HSDL1: variants seen among roughly 807,000 people sequenced by gnomAD.
HSDL1 encodes inactive hydroxysteroid dehydrogenase-like protein 1.
A neutral mutation model predicts 31.5 loss-of-function variants in HSDL1; 29 were observed. The ratio of observed to expected loss-of-function variants is 0.92; its 90% CI spans 0.69 to 1.26. HSDL1 has a LOEUF of 1.26. HSDL1 is among the 50% of genes most tolerant of loss of function. HSDL1 has a pLI of 0.00. For synonymous variants in HSDL1, 222 were observed against 155.2 expected (o/e 1.43, Z -3.20); for missense variants, 503 against 416.6 (o/e 1.21, Z -1.81).
In HSDL1 at chr16:84,144,706, T is replaced by C. The variant is rs979729531; in HGVS notation, c.-69+374A>G. 2.8e-5 allele frequency among the ~76,000 whole-genome samples: 4 copies of C among 145,376 alleles called. No homozygotes were observed. The South Asian group carries it at 8.8e-4, about 32-fold the overall frequency. The stretch of plus-strand genomic sequence containing the variant: ...GAGAGGCTGCAGGGAGGGCAGGGCA[T>C]GCGCCGGCGACAACGGGGTTCGCGG... On this transcript the variant is annotated intron_variant, in intron 1 of 5. Coordinates refer to ENST00000219439, the MANE Select transcript of HSDL1 (RefSeq NM_031463.5).
In HSDL1 at chr16:84,136,738, C is replaced by T. The variant is rs887712028; in HGVS notation, c.-68-1133G>A. ...TCACCTCTTGTCAGGGGAGCGCCAT[C>T]GTGTGCAAGTACCTTAAACGTGTGT... On this transcript the variant is annotated intron_variant, in intron 1 of 5. Transcript: ENST00000219439. Among the ~76,000 whole-genome samples the T allele has an allele frequency of 2.6e-5, 4 of 152,300 alleles. No individual in the cohort carries two copies. In the East Asian group the frequency reaches 7.7e-4, roughly 29 times the overall value.
intron 5 of HSDL1, among the ~76,000 whole-genome samples, chr16:84,128,005 C>T (rs879750368): frequency 1.2e-4 from 18 of 150,184 alleles, no homozygotes; most frequent in Non-Finnish European, 2.1e-4. Flanking sequence ...AGGCTTGAGC[C>T]ACCACGCCCT....
At chr16:84,140,919 G>C (rs1035250080) in intron 1 of HSDL1, among the ~76,000 whole-genome samples, 4 of 151,934 alleles carry the variant, frequency 2.6e-5, no homozygotes, top group Non-Finnish European at 5.9e-5. Flanking sequence ...GTGAAACCCC[G>C]TCTCTACTAA....
Position 84,122,217 on chromosome 16 carries a change from G to C in HSDL1, c.*2413C>G, listed in dbSNP as rs2086561200. The C allele has an allele frequency of 6.6e-6, 1 of 151,296 alleles. No homozygotes were observed. Among genetic ancestry groups the C allele is most frequent in the Admixed American group, 6.6e-5 (1 of 15,168 alleles). 9.4% of individuals were successfully genotyped at this position (151,296 alleles called of 1,614,324 possible). The stretch of plus-strand genomic sequence containing the variant: ...GTTAATTTCTTGCAATCACTCCTAA[G>C]AAAAAAAAATTCTCTCATTCCAAAT... On this transcript the variant is annotated 3_prime_UTR_variant, in exon 6 of 6. Coordinates refer to ENST00000219439, the MANE Select transcript of HSDL1 (RefSeq NM_031463.5).
intron 5 of HSDL1, chr16:84,125,169 A>T (rs1597370548): frequency 6.0e-6 from 1 of 165,992 alleles, no homozygotes; most frequent in East Asian, 1.8e-4. Context: ...ACAAATACCC[A>T]CCAATCAATC....
chr16:84,141,453 G>C (rs954890322), intron 1 of HSDL1, among the ~76,000 whole-genome samples: 3 of 152,198 alleles, frequency 2.0e-5, no homozygotes, highest in African/African-American at 7.2e-5. Context: ...GTTTCTGCTG[G>C]TTTTGATTTA....
intron 5 of HSDL1, among the ~76,000 whole-genome samples, chr16:84,127,259 C>T (rs1382685507): frequency 2.8e-5 from 4 of 144,098 alleles, no homozygotes; most frequent in African/African-American, 1.0e-4. Flanking sequence ...GCTCTGTCAC[C>T]CAGGCTGGAG....
At position 84,129,536 on chromosome 16, in the gene HSDL1, G is replaced by A. The variant is rs2086640679; in HGVS notation, c.894+12C>T. The A allele has an allele frequency of 6.3e-7, 1 of 1,580,190 alleles. No homozygotes were observed. The highest frequency in any genetic ancestry group is 1.7e-5 in the Admixed American group (1 of 59,950). On this transcript the variant is annotated intron_variant, in intron 5 of 5. Coordinates refer to ENST00000219439, the MANE Select transcript of HSDL1 (RefSeq NM_031463.5). ...CATTAATCTAATTATGAGACCTGAA[G>A]CACACTCCTACCTGAATAGAATGGG... is the stretch of plus-strand genomic sequence containing the variant.
chr16:84,131,704 G>A (rs1395992883), intron 2 of HSDL1, among the ~76,000 whole-genome samples: 3 of 136,172 alleles, frequency 2.2e-5, no homozygotes, highest in Non-Finnish European at 4.7e-5. Flanking sequence ...TTTTTGAGAC[G>A]GAGTCTCGCT....
chr16:84,141,040 G>C (rs1033618176), intron 1 of HSDL1, among the ~76,000 whole-genome samples: 1 of 150,532 alleles, frequency 6.6e-6, no homozygotes, highest in Non-Finnish European at 1.5e-5. Context: ...GCAGTGAGCG[G>C]AGATCGCGCC....
rs1220902357 is a variant in HSDL1 at position 84,129,557 on chromosome 16, A to G, written c.885T>C (p.His295=). The G allele has an allele frequency of 6.2e-7, 1 of 1,612,294 alleles. No homozygotes were observed. Among genetic ancestry groups the G allele is most frequent in the South Asian group, 1.1e-5 (1 of 91,038 alleles). ...ISKRTTGYWS[H]SIQFLFAQYM... ...TGAAGCACACTCCTACCTGAATAGA[A>G]TGGGACCAATATCCTGTGGTCCTTT... is the stretch of plus-strand genomic sequence containing the variant. Residue 295 remains histidine (H), a synonymous_variant, in exon 5 of 6, where the codon CAT becomes CAC. Transcript: ENST00000219439.
Position 84,124,709 on chromosome 16 carries a change from A to C in HSDL1, c.914T>G (p.Met305Arg). The change falls in exon 6 of 6, where the codon ATG becomes AGG. Residue 305 changes from methionine (M) to arginine (R), a missense_variant. By Grantham distance (91) the Met-to-Arg change is moderately conservative. Coordinates refer to ENST00000219439, the MANE Select transcript of HSDL1 (RefSeq NM_031463.5). ...TCCCCACACCCAGAGCCATTCAGGC[A>C]TATACTGTGCAAAAAGAAACTAAAA... ...HSIQFLFAQY[M>R]PEWLWVWGAN... The C allele has an allele frequency of 6.2e-7, 1 of 1,613,468 alleles. No individual in the cohort carries two copies. The highest frequency in any genetic ancestry group is 8.5e-7 in the Non-Finnish European group (1 of 1,179,374).
chr16:84,130,007 C>A lies in HSDL1; in HGVS notation c.645G>T (p.Leu215=). The stretch of plus-strand genomic sequence containing the variant: ...TGACCTTAGAAGCAGAAAATGCAGC[C>A]AGCTGAGGAGTGGGTTTGCAGCAGG... ...SGSCCKPTPQ[L]AAFSASKAYL... Residue 215 remains leucine, a synonymous_variant, in exon 4 of 6, where the codon CTG becomes CTT. Coordinates refer to ENST00000219439, the MANE Select transcript of HSDL1 (RefSeq NM_031463.5). 6.2e-7 allele frequency: 1 copy of A among 1,613,672 alleles called. No homozygotes were observed. Among genetic ancestry groups the A allele is most frequent in the Non-Finnish European group, 8.5e-7 (1 of 1,179,668 alleles).
intron 5 of HSDL1, chr16:84,125,239 C>T: frequency 6.3e-6 from 1 of 159,060 alleles, no homozygotes; most frequent in East Asian, 1.9e-4. Context: ...ACCCACCAAT[C>T]ACAACAAATA....
intron 2 of HSDL1, among the ~76,000 whole-genome samples, chr16:84,133,244 T>C (rs2086684536): frequency 6.6e-6 from 1 of 152,096 alleles, no homozygotes; most frequent in East Asian, 1.9e-4. Flanking sequence ...TATAAATGTG[T>C]AGTGTGAATT....
intron 5 of HSDL1, among the ~76,000 whole-genome samples, chr16:84,126,913 T>C (rs1186064656): frequency 1.3e-5 from 2 of 152,228 alleles, no homozygotes; most frequent in Non-Finnish European, 2.9e-5. Flanking sequence ...CAGAAAGTTT[T>C]AACAACTTTA....
chr16:84,124,670 T>C lies in HSDL1; in HGVS notation c.953A>G (p.Asn318Ser). 1 of 1,613,936 alleles carries C rather than the reference T, an allele frequency of 6.2e-7. No individual in the cohort carries two copies. Among genetic ancestry groups the C allele is most frequent in the Non-Finnish European group, 8.5e-7 (1 of 1,179,826 alleles). The change falls in exon 6 of 6, where the codon AAC (asparagine) becomes AGC (serine). Residue 318 changes from asparagine to serine, a missense_variant. Coordinates refer to ENST00000219439, the MANE Select transcript of HSDL1 (RefSeq NM_031463.5). Reference protein sequence around the residue: ...WLWVWGANILNRSLRKEALSC... With the variant: ...WLWVWGANILSRSLRKEALSC... ...TAAGGCTTCCTTACGTAGTGAACGG[T>C]TGAGAATATTTGCTCCCCACACCCA...
chr16:84,125,494 CAACA>C (rs891013051), intron 5 of HSDL1, among the ~76,000 whole-genome samples: 3 of 151,100 alleles, frequency 2.0e-5, no homozygotes, highest in African/African-American at 7.3e-5. Context: ...CAATCGATCC[CAACA>C]AATACCCACC....
At chr16:84,139,771 T>C (rs1282625917) in intron 1 of HSDL1, among the ~76,000 whole-genome samples, 2 of 152,130 alleles carry the variant, frequency 1.3e-5, no homozygotes, top group Non-Finnish European at 2.9e-5. Flanking sequence ...AGCCAGAAAG[T>C]CTCAGAGGTT....
Sources: allele counts gnomAD v4.1 joint callset (sites outside exome capture counted in the v4.1 genomes callset), GRCh38; gene constraint gnomAD v4.1.1; transcripts MANE v1.5; gene names NCBI Gene and HGNC (gene_info 2026-07-23, HGNC 2026-07-21).